The following CSMD2 variants were observed in gnomAD, a reference collection of about 807,000 sequenced individuals.
The protein encoded by CSMD2 is CUB and sushi domain-containing protein 2.
Under a neutral mutation model 398.5 loss-of-function variants are expected in CSMD2, and 130 were observed. The ratio of observed to expected loss-of-function variants is 0.33; its 90% CI spans 0.28 to 0.38. CSMD2 has a LOEUF of 0.38. Among genes scored for constraint, CSMD2 ranks in the 10% least tolerant of loss-of-function variants. CSMD2 has a pLI of 1.00. For synonymous variants in CSMD2, 1,828 were observed against 1,908.5 expected (o/e 0.96, Z 1.10); for missense variants, 3,829 against 4,764.9 (o/e 0.80, Z 5.78).
At position 33,519,661 on chromosome 1, in the gene CSMD2, G is replaced by A. The variant is rs1025727891; in HGVS notation, c.10753C>T (p.Pro3585Ser). The change falls in exon 70 of 71, where the codon CCT (proline) becomes TCT (serine). Residue 3585 changes from proline to serine, a missense_variant. Transcript: ENST00000373381. This position sits in a 1 kb window ranked among gnomAD's most constrained non-coding sequence, Gnocchi z 5.6. The part of the protein sequence containing the change: ...LYKHRRRPKV[P>S]FNGYAGHENT... ...TCGTGGCCAGCATAGCCATTGAAAGGAACTTTGGGTCTTCTCCTGGCGATA... is the reference window on the plus strand; with the variant it reads ...TCGTGGCCAGCATAGCCATTGAAAGAAACTTTGGGTCTTCTCCTGGCGATA... The A allele has an allele frequency of 6.2e-7, 1 of 1,613,924 alleles. No homozygotes were observed. The highest frequency in any genetic ancestry group is 8.5e-7 in the Non-Finnish European group (1 of 1,180,018).
chr1:33,814,369 C>A (rs1378014497), intron 9 of CSMD2: 2 of 152,234 alleles, frequency 1.3e-5, no homozygotes, highest in East Asian at 3.9e-4. Flanking sequence ...AAAATCCTAG[C>A]TATTGCCCAG....
chr1:33,846,466 A>G (rs115059968), intron 6 of CSMD2, among the ~76,000 whole-genome samples: 2,359 of 152,352 alleles, frequency 0.015, 48 homozygotes, highest in African/African-American at 0.053. Context: ...GCAGGAGTTC[A>G]GATGGCCTTG....
At chr1:33,924,563 G>C (rs1644059397) in intron 4 of CSMD2, among the ~76,000 whole-genome samples, 1 of 152,158 alleles carries the variant, frequency 6.6e-6, no homozygotes, top group Non-Finnish European at 1.5e-5. Flanking sequence ...CTCAGTAGTG[G>C]AATTGCTTGA....
chr1:33,594,366 T>A (rs955186327), intron 44 of CSMD2, among the ~76,000 whole-genome samples: 8 of 152,202 alleles, frequency 5.3e-5, no homozygotes, highest in African/African-American at 1.9e-4. Context: ...CCTCCTTCAT[T>A]TTCTGTAATC....
At chr1:34,008,368 G>A (rs1647127515) in intron 3 of CSMD2, among the ~76,000 whole-genome samples, 1 of 152,188 alleles carries the variant, frequency 6.6e-6, no homozygotes, top group African/African-American at 2.4e-5. Flanking sequence ...TTAACATCGG[G>A]TTTTCCAACC....
At chr1:33,864,612 C>T in intron 5 of CSMD2, 3 of 1,613,924 alleles carry the variant, frequency 1.9e-6, no homozygotes, top group Non-Finnish European at 2.5e-6. Flanking sequence ...GGAGAAGCAC[C>T]CTTATGAGCA....
chr1:33,881,906 A>C (rs565352727), intron 5 of CSMD2, among the ~76,000 whole-genome samples: 1 of 152,344 alleles, frequency 6.6e-6, no homozygotes, highest in South Asian at 2.1e-4. Flanking sequence ...TTATAATTTT[A>C]ATCCCCATGT....
intron 10 of CSMD2, among the ~76,000 whole-genome samples, chr1:33,794,473 G>C (rs1484527389): frequency 6.6e-6 from 1 of 152,214 alleles, no homozygotes; most frequent in Non-Finnish European, 1.5e-5. Context: ...CAGGCAGAGG[G>C]AAAGGCAGCG....
chr1:33,608,368 G>A (rs1303417258), intron 41 of CSMD2, among the ~76,000 whole-genome samples: 1 of 152,182 alleles, frequency 6.6e-6, no homozygotes, highest in Admixed American at 6.5e-5. Flanking sequence ...GGTGGGCCCA[G>A]GGCAGCTGTC....
At chr1:33,855,025 G>T (rs1039417827) in intron 5 of CSMD2, among the ~76,000 whole-genome samples, 3 of 152,160 alleles carry the variant, frequency 2.0e-5, no homozygotes, top group South Asian at 2.1e-4. Flanking sequence ...CTATAGAGAG[G>T]ATCTTCCCAT....
rs372481317 is a variant in CSMD2, at chr1:33,903,916, T to C, written c.920+14178A>G. ...ACTTGGAAGGAAGATTTGAAGACTG[T>C]GAAGGAGGAGGATCCTAAGCCCTGG... On this transcript the variant is annotated intron_variant, in intron 5 of 70. Transcript: ENST00000373381. 3.9e-5 allele frequency among the ~76,000 whole-genome samples: 6 copies of C among 151,998 alleles called. No homozygotes were observed. In the East Asian group the frequency reaches 9.6e-4, roughly 24 times the overall value.
rs1657668691 is a variant in CSMD2, at chr1:33,553,605, T to G, written c.8744-3255A>C. Among the ~76,000 whole-genome samples, 3 of 152,184 alleles carry G rather than the reference T, an allele frequency of 2.0e-5. No individual in the cohort carries two copies. The South Asian group carries it at 6.2e-4, about 32-fold the overall frequency. On this transcript the variant is annotated intron_variant, in intron 55 of 70. Coordinates refer to ENST00000373381, the MANE Select transcript of CSMD2 (RefSeq NM_001281956.2). ...CTTTAAATCAAAAGCTAGGAATGAT[T>G]AAAAGCTTAGTGAGGAAGGCATGTC... is the stretch of plus-strand genomic sequence containing the variant.
chr1:34,111,982 TTCTCTCTCTC>T (rs6143186), intron 1 of CSMD2, among the ~76,000 whole-genome samples: 6,639 of 149,746 alleles, frequency 0.044, 371 homozygotes, highest in Admixed American at 0.14. Context: ...TTCTTTCAAA[TTCTCTCTCTC>T]TCTCTCTCTC....
intron 1 of CSMD2, among the ~76,000 whole-genome samples, chr1:34,136,605 G>T (rs895018927): frequency 3.3e-5 from 5 of 152,098 alleles, no homozygotes. Flanking sequence ...TAGGAGCCTG[G>T]ACTCCTCTCT....
intron 2 of CSMD2, among the ~76,000 whole-genome samples, chr1:34,038,936 G>T (rs901318380): frequency 1.3e-5 from 2 of 152,068 alleles, no homozygotes; most frequent in Non-Finnish European, 2.9e-5. Context: ...CCTTCAATTT[G>T]CCATGCCCCA....
intron 2 of CSMD2, among the ~76,000 whole-genome samples, chr1:34,062,641 C>A (rs1000964440): frequency 6.6e-6 from 1 of 152,204 alleles, no homozygotes; most frequent in Non-Finnish European, 1.5e-5. Context: ...CAAGGGAGGA[C>A]AGGATGGCCA....
Position 33,596,617 on chromosome 1 carries a change from C to T in CSMD2, c.6856+4248G>A, listed in dbSNP as rs527322201. Reference sequence around the variant, plus strand: ...AAACACGTCTTTCTTCACATGGCAGCAAGAAGGAGAAGAATGAGAGCCCAG... The same window carrying T: ...AAACACGTCTTTCTTCACATGGCAGTAAGAAGGAGAAGAATGAGAGCCCAG... On this transcript the variant is annotated intron_variant, in intron 44 of 70. Coordinates refer to ENST00000373381, the MANE Select transcript of CSMD2 (RefSeq NM_001281956.2). 5.3e-5 allele frequency among the ~76,000 whole-genome samples: 8 copies of T among 152,226 alleles called. No individual in the cohort carries two copies. In the South Asian group the frequency reaches 1.7e-3, roughly 32 times the overall value.
At chr1:33,898,271 C>T (rs954127645) in intron 5 of CSMD2, among the ~76,000 whole-genome samples, 14 of 152,190 alleles carry the variant, frequency 9.2e-5, no homozygotes, top group African/African-American at 2.9e-4. Flanking sequence ...TGCCAGACTC[C>T]GAAGAGATAA....
At chr1:33,739,691 T>C (rs192627290) in intron 14 of CSMD2, among the ~76,000 whole-genome samples, 1 of 152,312 alleles carries the variant, frequency 6.6e-6, no homozygotes, top group African/African-American at 2.4e-5. Flanking sequence ...GTGTGGTTAA[T>C]GAGCTGATCT....
Sources: gnomAD v4.1 joint callset for allele counts (sites outside exome capture counted in the v4.1 genomes callset) on GRCh38, gnomAD v4.1.1 for gene constraint, Gnocchi (gnomAD v3.1) non-coding constraint, MANE v1.5 for transcripts, NCBI Gene and HGNC (gene_info 2026-07-23, HGNC 2026-07-21) for gene names.